Variants in SGIP1 observed in about 807,000 individuals in gnomAD.
SGIP1 encodes the protein SH3GL interacting endocytic adaptor 1, also known as SH3-containing GRB2-like protein 3-interacting protein 1.
A neutral mutation model predicts 107.5 loss-of-function variants in SGIP1; 38 were observed. That is an observed-to-expected ratio of 0.35 (90% CI 0.27 to 0.46). The LOEUF is 0.46. Ranked by LOEUF, SGIP1 falls within the 20% of genes least tolerant of loss-of-function variation. The pLI is 1.00. For missense variants in SGIP1, 929 were observed against 1,019.5 expected, an observed-to-expected ratio of 0.91 and a Z score of 1.21; for synonymous variants, 365 against 366.1, an observed-to-expected ratio of 1.00 and a Z score of 0.03.
intron 5 of SGIP1, among the ~76,000 whole-genome samples, chr1:66,642,195 T>G (rs1352777600): frequency 6.6e-6 from 1 of 152,130 alleles, no homozygotes; most frequent in African/African-American, 2.4e-5. Flanking sequence ...CATCTCCCGC[T>G]GTGCAGCTTC....
intron 2 of SGIP1, among the ~76,000 whole-genome samples, chr1:66,630,091 C>G (rs2073920537): frequency 6.6e-6 from 1 of 152,192 alleles, no homozygotes; most frequent in Admixed American, 6.5e-5. Context: ...TGCTGACTGA[C>G]TCCACAGGAC....
intron 19 of SGIP1, among the ~76,000 whole-genome samples, chr1:66,725,980 ATTGT>A (rs1274853633): frequency 6.6e-6 from 1 of 152,230 alleles, no homozygotes; most frequent in Non-Finnish European, 1.5e-5. Context: ...AGATCTGGGC[ATTGT>A]GGCAGCCCAG....
chr1:66,661,789 A>G (rs1429800502), intron 8 of SGIP1, among the ~76,000 whole-genome samples: 4 of 115,752 alleles, frequency 3.5e-5, no homozygotes, highest in African/African-American at 1.2e-4. Flanking sequence ...AAGTTTGCCT[A>G]TGGTGCTTTA....
At chr1:66,725,835 C>A (rs1474313163) in intron 19 of SGIP1, among the ~76,000 whole-genome samples, 1 of 152,176 alleles carries the variant, frequency 6.6e-6, no homozygotes, top group East Asian at 1.9e-4. Context: ...AGGCACTCTA[C>A]TACAAAACTG....
intron 8 of SGIP1, chr1:66,666,710 A>G (rs1290360990): frequency 6.6e-6 from 1 of 152,226 alleles, no homozygotes; most frequent in African/African-American, 2.4e-5. Context: ...TTGAATTCTT[A>G]GGTATTTTAT....
chr1:66,689,175 C>T lies in SGIP1; in HGVS notation c.1343C>T (p.Thr448Ile), dbSNP rs1021479476. ...SGASSPARPA[T>I]PLVPCRSTTP... is the part of the protein sequence containing the mutation. ...GCATCATCCCCTGCTCGACCAGCCA[C>T]TCCTTTGGTTCCTTGCAGAAGTACC... Residue 448 changes from threonine to isoleucine, a missense_variant, in exon 16 of 25, where the codon ACT (threonine) becomes ATT (isoleucine). By Grantham distance (89) the Thr-to-Ile change is moderately conservative (BLOSUM62 -1). Coordinates refer to ENST00000371037, the MANE Select transcript of SGIP1 (RefSeq NM_032291.4). 2 of 1,613,446 alleles carry T rather than the reference C, an allele frequency of 1.2e-6. No individual in the cohort carries two copies. Among genetic ancestry groups the T allele is most frequent in the African/African-American group, 2.7e-5 (2 of 74,876 alleles).
intron 1 of SGIP1, among the ~76,000 whole-genome samples, chr1:66,617,596 T>C (rs1303782825): frequency 6.6e-6 from 1 of 152,228 alleles, no homozygotes; most frequent in Admixed American, 6.5e-5. Flanking sequence ...ATATTTGGCC[T>C]GGGTTCCTGC....
intron 4 of SGIP1, 122 bp downstream of exon 4, chr1:66,636,137 GT>G: frequency 2.2e-6 from 2 of 903,014 alleles, no homozygotes; most frequent in Non-Finnish European, 3.4e-6. Flanking sequence ...AAACTCTTAG[GT>G]ATTTCCAAAT....
intron 7 of SGIP1, among the ~76,000 whole-genome samples, chr1:66,648,842 C>G (rs1489762316): frequency 6.6e-6 from 1 of 152,168 alleles, no homozygotes; most frequent in Non-Finnish European, 1.5e-5. Context: ...CAGCCCAGGT[C>G]GACCACTTTC....
intron 5 of SGIP1, among the ~76,000 whole-genome samples, chr1:66,642,312 A>C (rs1558179510): frequency 6.6e-6 from 1 of 152,120 alleles, no homozygotes; most frequent in Non-Finnish European, 1.5e-5. Flanking sequence ...CTTACCACCT[A>C]GAAGGAGCTC....
intron 2 of SGIP1, among the ~76,000 whole-genome samples, chr1:66,628,851 A>ACTT (rs35202989): frequency 0.67 from 101,850 of 151,806 alleles, 35,360 homozygotes; most frequent in East Asian, 1. Flanking sequence ...TCCTTCCTTA[A>ACTT]CTTATCATTT....
chr1:66,637,309 T>C (rs554924693), intron 4 of SGIP1, among the ~76,000 whole-genome samples: 1 of 152,302 alleles, frequency 6.6e-6, no homozygotes, highest in South Asian at 2.1e-4. Context: ...ATTGTTTTTT[T>C]CTTGGGTTTG....
At chr1:66,738,243 C>A (rs1039453153) in intron 21 of SGIP1, among the ~76,000 whole-genome samples, 2 of 152,204 alleles carry the variant, frequency 1.3e-5, no homozygotes, top group African/African-American at 4.8e-5. Context: ...TCTGCCATAA[C>A]CACTCCTGCC....
chr1:66,703,546 TAG>T (rs2092194959), intron 18 of SGIP1, among the ~76,000 whole-genome samples: 1 of 151,220 alleles, frequency 6.6e-6, no homozygotes, highest in Admixed American at 6.6e-5. Context: ...CACACACATA[TAG>T]AGATAATAGA....
chr1:66,548,221 T>G (rs1169021964), intron 1 of SGIP1, among the ~76,000 whole-genome samples: 1 of 152,136 alleles, frequency 6.6e-6, no homozygotes, highest in Non-Finnish European at 1.5e-5. Context: ...TCTAGCTTTT[T>G]TTATTTTTTA....
intron 1 of SGIP1, among the ~76,000 whole-genome samples, chr1:66,575,834 C>T (rs1043617026): frequency 3.9e-5 from 6 of 152,086 alleles, no homozygotes; most frequent in African/African-American, 1.2e-4. Flanking sequence ...ATAGAAACCA[C>T]CTGTCATTTG....
chr1:66,561,700 C>G (rs1026787690), intron 1 of SGIP1, among the ~76,000 whole-genome samples: 6 of 152,006 alleles, frequency 3.9e-5, no homozygotes, highest in Admixed American at 2.0e-4. Flanking sequence ...ATGAGGAAGA[C>G]ACTCGGTCCC....
intron 1 of SGIP1, among the ~76,000 whole-genome samples, chr1:66,617,432 G>C (rs1219695456): frequency 6.6e-6 from 1 of 152,304 alleles, no homozygotes; most frequent in East Asian, 1.9e-4. Flanking sequence ...TTAAAGCCTA[G>C]AGGAAAAGCT....
In SGIP1 at chr1:66,682,272, A is replaced by G; in HGVS notation, c.1218A>G (p.Gly406=). 6.2e-7 allele frequency: 1 copy of G among 1,614,214 alleles called. No homozygotes were observed. The highest frequency in any genetic ancestry group is 8.5e-7 in the Non-Finnish European group (1 of 1,180,036). The part of the protein sequence containing the change: ...TISSPKDFGL[G]QRATPPPPPP... ...CATCTCCTAAAGATTTTGGGTTGGG[A>G]CAAAGAGCAACTCCACCTCCCCCAC... The change falls in exon 15 of 25, where the codon GGA becomes GGG. Residue 406 remains glycine, a synonymous_variant. Transcript: ENST00000371037.
Sources: gnomAD v4.1 joint callset for allele counts (sites outside exome capture counted in the v4.1 genomes callset) on GRCh38, gnomAD v4.1.1 for gene constraint, MANE v1.5 for transcripts, NCBI Gene and HGNC (gene_info 2026-07-23, HGNC 2026-07-21) for gene names.